The following BTBD9 variants were observed in gnomAD, a reference collection of about 807,000 sequenced individuals.
The protein encoded by BTBD9 is BTB/POZ domain-containing protein 9.
A neutral mutation model predicts 64.3 loss-of-function variants in BTBD9; 49 were observed. The observed-to-expected ratio is 0.76, with a 90% CI of 0.61 to 0.97. The LOEUF (loss-of-function observed/expected upper bound fraction) is 0.97. Ranked by LOEUF, BTBD9 falls within the 50% of genes least tolerant of loss-of-function variation. The probability of loss-of-function intolerance (pLI) is 0.00; values close to 1 mark genes in which losing one functional copy is unlikely to be tolerated. For missense variants in BTBD9, 598 were observed against 762.1 expected (o/e 0.78, Z 2.53); for synonymous variants, 260 against 274.7 (o/e 0.95, Z 0.53).
chr6:38,194,478 G>C (rs1179312017), intron 9 of BTBD9, among the ~76,000 whole-genome samples: 1 of 152,234 alleles, frequency 6.6e-6, no homozygotes, highest in African/African-American at 2.4e-5. Flanking sequence ...GCTTGGGGAG[G>C]CGGTGGGAGT....
intron 9 of BTBD9, among the ~76,000 whole-genome samples, chr6:38,197,936 T>C (rs1762320359): frequency 6.6e-6 from 1 of 152,206 alleles, no homozygotes; most frequent in Non-Finnish European, 1.5e-5. Context: ...TTGACAGTGA[T>C]TGTTCGCTGA....
intron 1 of BTBD9, among the ~76,000 whole-genome samples, chr6:38,639,231 A>G (rs191230132): frequency 6.6e-6 from 1 of 152,376 alleles, no homozygotes; most frequent in African/African-American, 2.4e-5. Context: ...ATACATGTGA[A>G]GTTAGAAACT....
chr6:38,169,469 A>C lies in BTBD9; in HGVS notation c.*5516T>G, dbSNP rs1350257993. 2.0e-5 allele frequency: 2 copies of C among 99,504 alleles called. No individual in the cohort carries two copies. The highest frequency in any genetic ancestry group is 4.6e-5 in the Non-Finnish European group (2 of 43,722). The allele number at this position is 99,504 out of a possible 1,614,324, so 6.2% of individuals were successfully genotyped here. On this transcript the variant is annotated 3_prime_UTR_variant, in exon 11 of 11. Coordinates refer to ENST00000481247, the MANE Select transcript of BTBD9 (RefSeq NM_001099272.2). ...CCCTGGGGCTCATGTGGTGGGGAGC[A>C]ATTTGGCAGCAGACGGACTAATATC...
chr6:38,456,764 C>T (rs184221187), intron 6 of BTBD9, among the ~76,000 whole-genome samples: 6 of 152,090 alleles, frequency 3.9e-5, no homozygotes, highest in Admixed American at 2.6e-4. Context: ...ATAAACCCTG[C>T]GTCAAATATC....
chr6:38,608,641 T>C (rs1582711703), intron 1 of BTBD9, among the ~76,000 whole-genome samples: 2 of 152,336 alleles, frequency 1.3e-5, no homozygotes, highest in Admixed American at 1.3e-4. Flanking sequence ...TGTAGAATGT[T>C]ATAAAAATGT....
At chr6:38,395,195 T>C (rs1411266695) in intron 6 of BTBD9, among the ~76,000 whole-genome samples, 1 of 151,396 alleles carries the variant, frequency 6.6e-6, no homozygotes, top group Admixed American at 6.6e-5. Context: ...CTTTGGGAGG[T>C]TGAGGTGGGA....
intron 6 of BTBD9, among the ~76,000 whole-genome samples, chr6:38,416,192 G>A (rs1767656600): frequency 6.6e-6 from 1 of 152,154 alleles, no homozygotes; most frequent in Admixed American, 6.5e-5. Flanking sequence ...ATTCTTCAGT[G>A]GCACAGATAG....
chr6:38,436,766 G>A (rs1226212515), intron 6 of BTBD9, among the ~76,000 whole-genome samples: 1 of 152,190 alleles, frequency 6.6e-6, no homozygotes, highest in Non-Finnish European at 1.5e-5. Context: ...TGAATGCCTT[G>A]CTTGCGCTCC....
chr6:38,505,964 CA>C (rs59014161), intron 6 of BTBD9, among the ~76,000 whole-genome samples: 3,412 of 82,556 alleles, frequency 0.041, 117 homozygotes, highest in Middle Eastern at 0.13. Context: ...TCCGTCTCAA[CA>C]AAAAAAAAAA....
At chr6:38,283,634 T>C (rs868142566) in intron 8 of BTBD9, among the ~76,000 whole-genome samples, 5 of 152,308 alleles carry the variant, frequency 3.3e-5, no homozygotes, top group South Asian at 2.1e-4. Flanking sequence ...TTTGCCTCTG[T>C]AGTCACCAAA....
intron 10 of BTBD9, among the ~76,000 whole-genome samples, chr6:38,176,768 C>G (rs1471449292): frequency 6.6e-6 from 1 of 152,154 alleles, no homozygotes; most frequent in East Asian, 1.9e-4. Flanking sequence ...AACCATTAAT[C>G]CACTCCTTCA....
chr6:38,535,906 T>G (rs1176192202), intron 6 of BTBD9, among the ~76,000 whole-genome samples: 1 of 151,914 alleles, frequency 6.6e-6, no homozygotes, highest in African/African-American at 2.4e-5. Context: ...AACAAAACAC[T>G]GAGGAAACCC....
At chr6:38,190,467 T>TAAAAAA (rs70981527) in intron 10 of BTBD9, among the ~76,000 whole-genome samples, 5 of 77,506 alleles carry the variant, frequency 6.5e-5, no homozygotes, top group African/African-American at 2.3e-4. Context: ...AAACTCTGTC[T>TAAAAAA]AAAAAAAAAA....
chr6:38,456,101 C>T (rs528356769), intron 6 of BTBD9, among the ~76,000 whole-genome samples: 1 of 152,242 alleles, frequency 6.6e-6, no homozygotes, highest in African/African-American at 2.4e-5. Context: ...CATTCTTCTG[C>T]GTCAGCCTCC....
intron 6 of BTBD9, among the ~76,000 whole-genome samples, chr6:38,560,954 G>A (rs1775237630): frequency 6.6e-6 from 1 of 152,132 alleles, no homozygotes; most frequent in South Asian, 2.1e-4. Context: ...TGGTGTATAT[G>A]TACCACATTT....
intron 6 of BTBD9, among the ~76,000 whole-genome samples, chr6:38,563,994 G>A (rs1170471968): frequency 6.6e-6 from 1 of 151,936 alleles, no homozygotes; most frequent in Non-Finnish European, 1.5e-5. Context: ...GTGTTAGCCA[G>A]GATGGTATCA....
chr6:38,443,903 G>A (rs930559299), intron 6 of BTBD9, among the ~76,000 whole-genome samples: 7 of 152,126 alleles, frequency 4.6e-5, no homozygotes, highest in Non-Finnish European at 7.3e-5. Flanking sequence ...TCTTCAAAAC[G>A]GAGCGGTTTT....
chr6:38,378,889 GAA>G (rs1765805635), intron 6 of BTBD9, among the ~76,000 whole-genome samples: 1 of 142,318 alleles, frequency 7.0e-6, no homozygotes, highest in Non-Finnish European at 1.5e-5. Flanking sequence ...AAAAAAAAAA[GAA>G]AAAAAAGGGG....
At chr6:38,454,641 T>G (rs190220836) in intron 6 of BTBD9, among the ~76,000 whole-genome samples, 8 of 151,334 alleles carry the variant, frequency 5.3e-5, no homozygotes, top group Admixed American at 2.6e-4. Context: ...CACAAAAAAT[T>G]TTAAAAACTA....
Sources: allele counts gnomAD v4.1 joint callset (sites outside exome capture counted in the v4.1 genomes callset), GRCh38; gene constraint gnomAD v4.1.1; transcripts MANE v1.5; gene names NCBI Gene and HGNC (gene_info 2026-07-23, HGNC 2026-07-21).